The following ZBTB34 variants were observed in gnomAD, a reference collection of about 807,000 sequenced individuals.
The protein encoded by ZBTB34 is zinc finger and BTB domain containing 34.
A neutral mutation model predicts 33.4 loss-of-function variants in ZBTB34; 1 was observed. That is an observed-to-expected ratio of 0.03 (90% CI 0.01 to 0.14). ZBTB34 has a LOEUF of 0.14. ZBTB34 is among the 10% of genes least tolerant of loss of function. The probability of loss-of-function intolerance (pLI) is 1.00; values close to 1 mark genes in which losing one functional copy is unlikely to be tolerated. For synonymous variants in ZBTB34, 283 were observed against 253.5 expected (o/e 1.12, Z -1.11); for missense variants, 406 against 657.2 (o/e 0.62, Z 4.18).
chr9:126,879,558 C>G lies in ZBTB34; in HGVS notation c.159C>G (p.Val53=), dbSNP rs78916928. Residue 53 remains valine (V), a synonymous_variant, in exon 2 of 2, where the codon GTC becomes GTG. Transcript: ENST00000319119. This position sits in a 1 kb window ranked among gnomAD's most constrained non-coding sequence, Gnocchi z 6.4. ...AGCCATTCCGAGCCCACAAAGCAGT[C>G]CTTGCTGCCAGCTCCCCATATTTCC... 1 of 1,613,768 alleles carries G rather than the reference C, an allele frequency of 6.2e-7. No individual in the cohort carries two copies. The highest frequency in any genetic ancestry group is 1.3e-5 in the African/African-American group (1 of 74,936).
intron 1 of ZBTB34, among the ~76,000 whole-genome samples, chr9:126,873,508 C>T (rs550630082): frequency 2.6e-5 from 4 of 152,288 alleles, no homozygotes; most frequent in Admixed American, 1.3e-4. Context: ...AAACGATACG[C>T]CTAACTCGGC....
chr9:126,872,472 CAG>C lies in ZBTB34; in HGVS notation c.-10-6917_-10-6916del, dbSNP rs376306474. Among the ~76,000 whole-genome samples the C allele has an allele frequency of 8.7e-3, 1,320 of 152,268 alleles. 13 individuals carry two copies. Among genetic ancestry groups the C allele is most frequent in the African/African-American group, 0.012 (513 of 41,524 alleles). ...GGTGTAGGCCCACTGACATTCCACACAGGGGAGAAAATCAAGAGCTTCAAGAA... is the reference window on the plus strand; with the variant it reads ...GGTGTAGGCCCACTGACATTCCACACGGGAGAAAATCAAGAGCTTCAAGAA... On this transcript the variant is annotated intron_variant, in intron 1 of 1. Coordinates refer to ENST00000319119, the Ensembl canonical transcript of ZBTB34.
At chr9:126,869,952 GA>G (rs2033256732) in intron 1 of ZBTB34, among the ~76,000 whole-genome samples, 2 of 152,130 alleles carry the variant, frequency 1.3e-5, no homozygotes, top group South Asian at 4.1e-4. Context: ...TCTTTTTCCA[GA>G]GTATAGTTTT....
At chr9:126,868,614 C>T (rs1279562783) in intron 1 of ZBTB34, among the ~76,000 whole-genome samples, 2 of 152,212 alleles carry the variant, frequency 1.3e-5, no homozygotes, top group African/African-American at 4.8e-5. Flanking sequence ...CCATGTCTGC[C>T]GTCCTCTGGT....
Position 126,875,600 on chromosome 9 carries a change from A to G in ZBTB34, c.-10-3790A>G, listed in dbSNP as rs562131131. Among the ~76,000 whole-genome samples the G allele has an allele frequency of 2.1e-3, 319 of 151,922 alleles. 1 individual carries two copies. The highest frequency in any genetic ancestry group is 7.2e-3 in the African/African-American group (300 of 41,384). ...GGTATTTTCTGGTTCCTGTTGCTAT[A>G]TTGTTGGTTGCACCTTATTGTCATT... On this transcript the variant is annotated intron_variant, in intron 1 of 1. Coordinates refer to ENST00000319119, the Ensembl canonical transcript of ZBTB34.
At chr9:126,878,728 T>A (rs1380679154) in intron 1 of ZBTB34, among the ~76,000 whole-genome samples, 1 of 146,948 alleles carries the variant, frequency 6.8e-6, no homozygotes, top group Non-Finnish European at 1.5e-5. Flanking sequence ...TTTGTTTTGT[T>A]TTTTTTTTTT....
chr9:126,879,783 C>T lies in ZBTB34; in HGVS notation c.384C>T (p.Ser128=), dbSNP rs2033408448. ...ACAAGTGCACGCAGATCCTAGAGAG[C>T]ATCCATTCCAAAATCAGCGTTGGAG... Residue 128 remains serine (S), a synonymous_variant, in exon 2 of 2, where the codon AGC becomes AGT. Transcript: ENST00000319119. The surrounding 1 kb of genome is among the most constrained non-coding windows in gnomAD (Gnocchi z 6.4). The T allele has an allele frequency of 6.2e-7, 1 of 1,613,400 alleles. No homozygotes were observed. Among genetic ancestry groups the T allele is most frequent in the Non-Finnish European group, 8.5e-7 (1 of 1,179,890 alleles).
At chr9:126,869,039 T>C (rs1410514095) in intron 1 of ZBTB34, among the ~76,000 whole-genome samples, 7 of 151,998 alleles carry the variant, frequency 4.6e-5, no homozygotes, top group Non-Finnish European at 1.0e-4. Flanking sequence ...AGAGGGAGAT[T>C]TTGCTCTACA....
exon 2 of ZBTB34, chr9:126,881,889 C>G (rs1197802376): frequency 6.0e-6 from 1 of 166,902 alleles, no homozygotes; most frequent in Non-Finnish European, 1.5e-5. Context: ...AGTTAGTACT[C>G]ACTCGCACTT....
chr9:126,866,543 C>A (rs1366551335), intron 1 of ZBTB34, among the ~76,000 whole-genome samples: 1 of 152,064 alleles, frequency 6.6e-6, no homozygotes, highest in Non-Finnish European at 1.5e-5. Flanking sequence ...AAATGCAAGG[C>A]CTTGTTCAAA....
intron 1 of ZBTB34, among the ~76,000 whole-genome samples, chr9:126,865,616 G>C (rs2033190280): frequency 6.6e-6 from 1 of 152,136 alleles, no homozygotes; most frequent in Non-Finnish European, 1.5e-5. Flanking sequence ...AGTGTGAGAG[G>C]ATGTCATTAG....
At chr9:126,867,475 A>G (rs1469009225) in intron 1 of ZBTB34, among the ~76,000 whole-genome samples, 1 of 49,574 alleles carries the variant, frequency 2.0e-5, no homozygotes, top group Admixed American at 2.3e-4. Flanking sequence ...AGCTGTTTGT[A>G]TCCTTTGCCC....
At chr9:126,872,907 C>T (rs550514137) in intron 1 of ZBTB34, among the ~76,000 whole-genome samples, 12 of 152,234 alleles carry the variant, frequency 7.9e-5, no homozygotes, top group African/African-American at 1.9e-4. Context: ...CATGGCGTTC[C>T]GTTTTTCTCA....
intron 1 of ZBTB34, among the ~76,000 whole-genome samples, chr9:126,872,382 C>T (rs918798606): frequency 2.0e-5 from 3 of 152,302 alleles, no homozygotes; most frequent in Admixed American, 2.0e-4. Context: ...CCACTCTACT[C>T]CAGCCTGGGT....
At chr9:126,862,395 G>T (rs2033153744) in intron 1 of ZBTB34, among the ~76,000 whole-genome samples, 1 of 152,152 alleles carries the variant, frequency 6.6e-6, no homozygotes, top group Non-Finnish European at 1.5e-5. Flanking sequence ...TTATACCACT[G>T]TTCAAAGCTG....
chr9:126,868,903 G>A (rs2033242599), intron 1 of ZBTB34, among the ~76,000 whole-genome samples: 1 of 152,142 alleles, frequency 6.6e-6, no homozygotes, highest in African/African-American at 2.4e-5. Context: ...GCCAGGGTCC[G>A]GGGCTCTGAG....
chr9:126,880,151 C>A lies in ZBTB34; in HGVS notation c.752C>A (p.Ser251Tyr). 6.2e-7 allele frequency: 1 copy of A among 1,613,752 alleles called. No homozygotes were observed. Among genetic ancestry groups the A allele is most frequent in the Non-Finnish European group, 8.5e-7 (1 of 1,179,880 alleles). ...GAGAAGTCCGACCGGCCCAGCTGTTCCGACAGCTCCTCCCTGGGTGACGAT... is the reference window on the plus strand; with the variant it reads ...GAGAAGTCCGACCGGCCCAGCTGTTACGACAGCTCCTCCCTGGGTGACGAT... The change falls in exon 2 of 2, where the codon TCC becomes TAC. Residue 251 changes from serine (S) to tyrosine (Y), a missense_variant. Ser to Tyr is a moderately radical substitution (Grantham distance 144). Transcript: ENST00000319119. This position sits in a 1 kb window ranked among gnomAD's most constrained non-coding sequence, Gnocchi z 6.7.
At chr9:126,862,383 A>G (rs917599287) in intron 1 of ZBTB34, among the ~76,000 whole-genome samples, 13 of 152,192 alleles carry the variant, frequency 8.5e-5, no homozygotes, top group African/African-American at 3.1e-4. Flanking sequence ...AGGCCACGGC[A>G]GTTATACCAC....
At chr9:126,863,500 G>T (rs1011064253) in intron 1 of ZBTB34, among the ~76,000 whole-genome samples, 1 of 152,070 alleles carries the variant, frequency 6.6e-6, no homozygotes, top group Non-Finnish European at 1.5e-5. Context: ...ATCTAGTTAC[G>T]TTTTATTCCC....
Sources: gnomAD v4.1 joint callset for allele counts (sites outside exome capture counted in the v4.1 genomes callset) on GRCh38, gnomAD v4.1.1 for gene constraint, Gnocchi (gnomAD v3.1) non-coding constraint, MANE v1.5 for transcripts, NCBI Gene and HGNC (gene_info 2026-07-23, HGNC 2026-07-21) for gene names.